The following TMEM229B variants were observed in gnomAD, a reference collection of about 807,000 sequenced individuals.
The protein encoded by TMEM229B is transmembrane protein 229B, also known as chromosome 14 open reading frame 83.
TMEM229B carries 6 observed loss-of-function variants against 13.7 expected under a neutral mutation model. The observed-to-expected ratio is 0.44, with a 90% CI of 0.24 to 0.86. The LOEUF is 0.86. Ranked by LOEUF, TMEM229B falls within the 40% of genes least tolerant of loss-of-function variation. TMEM229B has a pLI of 0.23. For missense variants in TMEM229B, 170 were observed against 236.0 expected (o/e 0.72, Z 1.83); for synonymous variants, 107 against 102.1 (o/e 1.05, Z -0.29).
At chr14:67,499,677 TA>T (rs2032525401) in intron 1 of TMEM229B, among the ~76,000 whole-genome samples, 1 of 152,084 alleles carries the variant, frequency 6.6e-6, no homozygotes, top group Non-Finnish European at 1.5e-5. Context: ...TGGACAGGAA[TA>T]GGGGCAGAGA....
rs77867539 is a variant in TMEM229B at position 67,520,690 on chromosome 14, G to A, written c.-192+12946C>T. Among the ~76,000 whole-genome samples the A allele has an allele frequency of 1.1e-4, 15 of 142,672 alleles. No homozygotes were observed. In the East Asian group the frequency reaches 2.0e-3, roughly 19 times the overall value. The allele number at this position is 142,672 out of a possible 152,430, so 93.6% of individuals were successfully genotyped here. On this transcript the variant is annotated intron_variant, in intron 1 of 2. Coordinates refer to the TMEM229B transcript ENST00000554278. ...ACATAAATTTCCAACTCCTTTGGGCGTACCACAGTTTATTTACCCATCACC... is the reference window on the plus strand; with the variant it reads ...ACATAAATTTCCAACTCCTTTGGGCATACCACAGTTTATTTACCCATCACC...
chr14:67,528,830 C>A (rs1405249981), intron 1 of TMEM229B, among the ~76,000 whole-genome samples: 1 of 152,184 alleles, frequency 6.6e-6, no homozygotes, highest in Non-Finnish European at 1.5e-5. Flanking sequence ...TCAATACAGA[C>A]CCCAGACAGG....
upstream of TMEM229B, among the ~76,000 whole-genome samples, chr14:67,492,163 C>A (rs1490060591): frequency 2.0e-5 from 3 of 152,194 alleles, no homozygotes; most frequent in African/African-American, 7.2e-5. Flanking sequence ...GACCACCCAA[C>A]TCCATCGCCT....
chr14:67,520,013 A>G (rs1459781904), upstream of TMEM229B, among the ~76,000 whole-genome samples: 2 of 152,154 alleles, frequency 1.3e-5, no homozygotes, highest in African/African-American at 4.8e-5. Flanking sequence ...GTGAGCCACC[A>G]TGCCTGACCT....
chr14:67,501,146 G>A (rs2032596103), intron 1 of TMEM229B, among the ~76,000 whole-genome samples: 1 of 151,592 alleles, frequency 6.6e-6, no homozygotes, highest in Non-Finnish European at 1.5e-5. Flanking sequence ...GGGGCAACAG[G>A]TCCCAACTAG....
chr14:67,498,241 C>G (rs2032468056), intron 1 of TMEM229B, among the ~76,000 whole-genome samples: 1 of 152,158 alleles, frequency 6.6e-6, no homozygotes, highest in Non-Finnish European at 1.5e-5. Context: ...CTCTCCCATA[C>G]CTGGTTTGCC....
intron 1 of TMEM229B, among the ~76,000 whole-genome samples, chr14:67,512,443 C>T (rs1245894314): frequency 1.3e-5 from 2 of 152,174 alleles, no homozygotes; most frequent in Non-Finnish European, 2.9e-5. Flanking sequence ...AAGGCTTTGC[C>T]AGGTCAGAAA....
intron 1 of TMEM229B, among the ~76,000 whole-genome samples, chr14:67,532,442 T>C (rs1411136640): frequency 6.6e-6 from 1 of 152,172 alleles, no homozygotes; most frequent in Non-Finnish European, 1.5e-5. Flanking sequence ...CCTAGCCAAA[T>C]GTTGAGTTTT....
intron 2 of TMEM229B, among the ~76,000 whole-genome samples, chr14:67,475,052 A>G (rs1304018088): frequency 5.3e-5 from 8 of 151,142 alleles, no homozygotes; most frequent in Non-Finnish European, 1.2e-4. Context: ...AGTAGCTGGG[A>G]CTACAGGCAC....
In TMEM229B at chr14:67,488,432, TGCTCA is replaced by T. The variant is rs1475941279; in HGVS notation, c.-192+71_-192+75del. On this transcript the variant is annotated intron_variant, in intron 1 of 2. Coordinates refer to ENST00000554480, the MANE Select transcript of TMEM229B (RefSeq NM_001348543.2). ...CTGAGAGCATCACAGTGGGCTGCTGTGCTCAGCCTTGCCTCCCCCTCCCCAGCTCC... is the reference window on the plus strand; with the variant it reads ...CTGAGAGCATCACAGTGGGCTGCTGTGCCTTGCCTCCCCCTCCCCAGCTCC... 2.0e-5 allele frequency: 3 copies of T among 152,492 alleles called. No homozygotes were observed. In the East Asian group the frequency reaches 5.8e-4, roughly 29 times the overall value. 9.4% of individuals were successfully genotyped at this position (152,492 alleles called of 1,614,324 possible).
At chr14:67,489,460 G>A (rs1484328329), upstream of TMEM229B, among the ~76,000 whole-genome samples, 5 of 152,158 alleles carry the variant, frequency 3.3e-5, no homozygotes, top group African/African-American at 1.2e-4. Flanking sequence ...GCAGCTTCTG[G>A]TCAATATGCC....
intron 2 of TMEM229B, among the ~76,000 whole-genome samples, chr14:67,477,592 C>A (rs2140062832): frequency 6.6e-6 from 1 of 152,258 alleles, no homozygotes; most frequent in East Asian, 1.9e-4. Flanking sequence ...CTAGACAGCT[C>A]CCCCTAATGT....
At chr14:67,501,964 T>G (rs2032627284) in intron 1 of TMEM229B, among the ~76,000 whole-genome samples, 1 of 152,220 alleles carries the variant, frequency 6.6e-6, no homozygotes, top group Non-Finnish European at 1.5e-5. Context: ...CTTTTGGTTT[T>G]ATAGTGCTTC....
intron 1 of TMEM229B, among the ~76,000 whole-genome samples, chr14:67,524,528 C>T (rs554104005): frequency 6.6e-6 from 1 of 152,296 alleles, no homozygotes; most frequent in African/African-American, 2.4e-5. Context: ...CACCCAGAAC[C>T]TCCTGCAGTC....
At chr14:67,478,502 TGAAA>T (rs1261498893) in intron 2 of TMEM229B, among the ~76,000 whole-genome samples, 3 of 152,256 alleles carry the variant, frequency 2.0e-5, no homozygotes, top group Non-Finnish European at 4.4e-5. Context: ...CATCACAGGA[TGAAA>T]GAGTGTGTAG....
intron 1 of TMEM229B, among the ~76,000 whole-genome samples, chr14:67,513,652 C>T (rs953154377): frequency 6.6e-6 from 1 of 152,188 alleles, no homozygotes; most frequent in Non-Finnish European, 1.5e-5. Flanking sequence ...ACAGGCCCAC[C>T]CTGGCCCAAC....
chr14:67,516,170 G>A (rs921822537), upstream of TMEM229B, among the ~76,000 whole-genome samples: 1 of 152,206 alleles, frequency 6.6e-6, no homozygotes, highest in African/African-American at 2.4e-5. Context: ...GGCTGAGCAG[G>A]GAGTGGGAAT....
At chr14:67,492,605 G>T (rs1429659771), upstream of TMEM229B, among the ~76,000 whole-genome samples, 2 of 152,182 alleles carry the variant, frequency 1.3e-5, no homozygotes, top group Non-Finnish European at 2.9e-5. Flanking sequence ...GCCTCACCAG[G>T]GAGGCAGAAA....
intron 1 of TMEM229B, among the ~76,000 whole-genome samples, chr14:67,506,280 A>G (rs1452330317): frequency 6.6e-6 from 1 of 152,164 alleles, no homozygotes; most frequent in Non-Finnish European, 1.5e-5. Context: ...AAGTGATCAC[A>G]GAACCGTCTC....
Sources: gnomAD v4.1 joint callset for allele counts (sites outside exome capture counted in the v4.1 genomes callset) on GRCh38, gnomAD v4.1.1 for gene constraint, MANE v1.5 for transcripts, NCBI Gene and HGNC (gene_info 2026-07-23, HGNC 2026-07-21) for gene names.